The following FAM135B variants were observed in gnomAD, a reference collection of about 807,000 sequenced individuals.
The protein encoded by FAM135B is family with sequence similarity 135 member B, also known as protein FAM135B.
FAM135B carries 43 observed loss-of-function variants against 127.7 expected under a neutral mutation model. The observed-to-expected ratio is 0.34, with a 90% CI of 0.26 to 0.43. The LOEUF (loss-of-function observed/expected upper bound fraction) is 0.43. Among genes scored for constraint, FAM135B ranks in the 20% least tolerant of loss-of-function variants. FAM135B has a pLI of 1.00. For missense variants in FAM135B, 1,558 were observed against 1,725.6 expected (o/e 0.90, Z 1.72); for synonymous variants, 670 against 665.1 (o/e 1.01, Z -0.11).
chr8:138,158,404 G>C (rs1043300559), intron 12 of FAM135B, among the ~76,000 whole-genome samples: 10 of 152,126 alleles, frequency 6.6e-5, no homozygotes, highest in Admixed American at 1.3e-4. Flanking sequence ...AGGACTTCAT[G>C]ACTAAAACAC....
intron 2 of FAM135B, among the ~76,000 whole-genome samples, chr8:138,330,110 T>C (rs1015683343): frequency 2.0e-5 from 3 of 152,154 alleles, no homozygotes. Context: ...TCCTCACTCA[T>C]ACCTTTTCCT....
intron 1 of FAM135B, among the ~76,000 whole-genome samples, chr8:138,428,349 G>A (rs1835013823): frequency 6.6e-6 from 1 of 152,060 alleles, no homozygotes; most frequent in South Asian, 2.1e-4. Context: ...ATCTTAGCTA[G>A]TAATTGACTA....
chr8:138,319,219 G>A (rs1333489352), intron 2 of FAM135B, among the ~76,000 whole-genome samples: 1 of 152,060 alleles, frequency 6.6e-6, no homozygotes, highest in Non-Finnish European at 1.5e-5. Context: ...CAATTCTCCT[G>A]CCTCAGCCTC....
chr8:138,406,200 G>A (rs1369154064), intron 1 of FAM135B, among the ~76,000 whole-genome samples: 2 of 151,898 alleles, frequency 1.3e-5, no homozygotes, highest in African/African-American at 2.4e-5. Context: ...CTTTTGCTGT[G>A]CAGAAGCTCT....
chr8:138,321,196 A>G (rs79176898), intron 2 of FAM135B, among the ~76,000 whole-genome samples: 1,850 of 152,262 alleles, frequency 0.012, 36 homozygotes, highest in African/African-American at 0.042. Flanking sequence ...CAGGAACAGG[A>G]GCATCCATGG....
At chr8:138,220,344 C>G (rs988186022) in intron 7 of FAM135B, among the ~76,000 whole-genome samples, 7 of 152,108 alleles carry the variant, frequency 4.6e-5, no homozygotes, top group African/African-American at 1.7e-4. Context: ...AAGTACCACC[C>G]TCTCCTCTGG....
rs528968249 is a variant in FAM135B at position 138,195,639 on chromosome 8, C to A, written c.824-332G>T. ...TTATTTCTGTTTTTGCAGGTACACA[C>A]ACACACACACACACACACAAACACA... On this transcript the variant is annotated intron_variant, in intron 8 of 19. Transcript: ENST00000395297. Among the ~76,000 whole-genome samples the A allele has an allele frequency of 3.3e-5, 5 of 151,078 alleles. No individual in the cohort carries two copies. The South Asian group carries it at 1.0e-3, about 31-fold the overall frequency.
At chr8:138,296,097 G>GC (rs1406480954) in intron 3 of FAM135B, among the ~76,000 whole-genome samples, 4 of 152,330 alleles carry the variant, frequency 2.6e-5, no homozygotes, top group African/African-American at 4.8e-5. Context: ...CCTCTCTATA[G>GC]CTTTTTTCAC....
intron 9 of FAM135B, among the ~76,000 whole-genome samples, chr8:138,194,067 G>A (rs1335985737): frequency 1.3e-5 from 2 of 152,216 alleles, no homozygotes; most frequent in African/African-American, 2.4e-5. Flanking sequence ...GAGCATATGA[G>A]CCCCCAAGTG....
chr8:138,371,879 A>G (rs1831151724), intron 1 of FAM135B, among the ~76,000 whole-genome samples: 2 of 152,168 alleles, frequency 1.3e-5, no homozygotes, highest in South Asian at 2.1e-4. Context: ...TGAAAAGCTC[A>G]CCTTCAAACC....
At position 138,265,697 on chromosome 8, in the gene FAM135B, A is replaced by C. The variant is rs755216601; in HGVS notation, c.297+6T>G. 6.2e-7 allele frequency: 1 copy of C among 1,614,038 alleles called. No homozygotes were observed. The highest frequency in any genetic ancestry group is 8.5e-7 in the Non-Finnish European group (1 of 1,179,972). ...ACTTGTGGCTGGTGGTAGATTCATG[A>C]CTTACCCTTTCACCACCCAAGAGTA... On this transcript the variant is annotated splice_donor_region_variant and intron_variant, in intron 4 of 19. Transcript: ENST00000395297.
In FAM135B at chr8:138,137,065, T is replaced by G. The variant is rs1816723623; in HGVS notation, c.4015+82A>C. 6.5e-6 allele frequency: 5 copies of G among 774,162 alleles called. No homozygotes were observed. The East Asian group carries it at 1.2e-4, about 19-fold the overall frequency. The allele number at this position is 774,162 out of a possible 1,614,324, so 48.0% of individuals were successfully genotyped here. ...AGCACTAAACCTATAGCCCAGGTGT[T>G]CCCAATAGGCAGTCAATTCCATGAA... On this transcript the variant is annotated intron_variant, in intron 19 of 19. Transcript: ENST00000395297.
At position 138,241,145 on chromosome 8, in the gene FAM135B, T is replaced by G. The variant is rs1820736310; in HGVS notation, c.669+1797A>C. Among the ~76,000 whole-genome samples, 1 of 152,102 alleles carries G rather than the reference T, an allele frequency of 6.6e-6. No individual in the cohort carries two copies. Among genetic ancestry groups the G allele is most frequent in the Non-Finnish European group, 1.5e-5 (1 of 68,026 alleles). On this transcript the variant is annotated intron_variant, in intron 7 of 19. Transcript: ENST00000395297. This position sits in a 1 kb window ranked among gnomAD's most constrained non-coding sequence, Gnocchi z 4.8. Reference sequence around the variant, plus strand: ...AAGGCTTCGGCCGACCACGGGGAGCTTTGCCTCAGTGATGGTCCTGTAGCA... The same window carrying G: ...AAGGCTTCGGCCGACCACGGGGAGCGTTGCCTCAGTGATGGTCCTGTAGCA...
Position 138,487,959 on chromosome 8 carries a change from G to A in FAM135B, c.-20+8712C>T, listed in dbSNP as rs545247705. ...GCAGAGGTTGCAGTGAGCTGAGATCGCACCACTGCACTCCAGCCTTGGAGA... is the reference window on the plus strand; with the variant it reads ...GCAGAGGTTGCAGTGAGCTGAGATCACACCACTGCACTCCAGCCTTGGAGA... On this transcript the variant is annotated intron_variant, in intron 1 of 19. Transcript: ENST00000395297. 1.3e-3 allele frequency among the ~76,000 whole-genome samples: 199 copies of A among 151,936 alleles called. 2 individuals are homozygous for A. The highest frequency in any genetic ancestry group is 4.7e-3 in the African/African-American group (193 of 41,426).
chr8:138,417,384 C>A (rs1313546515), intron 1 of FAM135B, among the ~76,000 whole-genome samples: 1 of 152,186 alleles, frequency 6.6e-6, no homozygotes, highest in Non-Finnish European at 1.5e-5. Context: ...CAGGCCCTCA[C>A]CACCAGCAAC....
chr8:138,295,571 C>T (rs772012174), intron 3 of FAM135B, among the ~76,000 whole-genome samples: 8 of 152,100 alleles, frequency 5.3e-5, no homozygotes, highest in Admixed American at 1.3e-4. Flanking sequence ...CCAGCCAGGA[C>T]GAGGGGCACT....
chr8:138,409,682 T>C (rs1239308226), intron 1 of FAM135B, among the ~76,000 whole-genome samples: 13 of 152,136 alleles, frequency 8.5e-5, no homozygotes, highest in Admixed American at 8.5e-4. Flanking sequence ...AAGACCATCC[T>C]GGCTAACGTG....
chr8:138,321,282 CAT>C (rs1197101499), intron 2 of FAM135B, among the ~76,000 whole-genome samples: 1 of 152,182 alleles, frequency 6.6e-6, no homozygotes, highest in African/African-American at 2.4e-5. Context: ...TTCCCTAAGA[CAT>C]GTGTGAGACA....
intron 2 of FAM135B, among the ~76,000 whole-genome samples, chr8:138,343,863 C>A (rs1164298816): frequency 2.0e-5 from 3 of 152,218 alleles, no homozygotes; most frequent in Non-Finnish European, 2.9e-5. Flanking sequence ...TGGTTGTTTC[C>A]TCTTATCTGA....
Sources: gnomAD v4.1 joint callset for allele counts (sites outside exome capture counted in the v4.1 genomes callset) on GRCh38, gnomAD v4.1.1 for gene constraint, Gnocchi (gnomAD v3.1) non-coding constraint, MANE v1.5 for transcripts, NCBI Gene and HGNC (gene_info 2026-07-23, HGNC 2026-07-21) for gene names.